STAU1: variants seen among roughly 807,000 people sequenced by gnomAD.
The protein encoded by STAU1 is double-stranded RNA-binding protein Staufen homolog 1.
A neutral mutation model predicts 62.9 loss-of-function variants in STAU1; 13 were observed. That is an observed-to-expected ratio of 0.21 (90% CI 0.13 to 0.33). The LOEUF (loss-of-function observed/expected upper bound fraction) is 0.33. Ranked by LOEUF, STAU1 falls within the 10% of genes least tolerant of loss-of-function variation. The pLI, the probability that STAU1 is intolerant of heterozygous loss-of-function variation, is 1.00. For synonymous variants in STAU1, 269 were observed against 265.1 expected (o/e 1.01, Z -0.14); for missense variants, 571 against 712.1 (o/e 0.80, Z 2.25).
At chr20:49,173,012 T>C (rs1478092830) in intron 2 of STAU1, among the ~76,000 whole-genome samples, 5 of 151,336 alleles carry the variant, frequency 3.3e-5, no homozygotes, top group Admixed American at 6.6e-5. Flanking sequence ...CTGGCTAATG[T>C]TTTTTGTATT....
chr20:49,131,551 A>AG (rs1332670214), intron 6 of STAU1, among the ~76,000 whole-genome samples: 2 of 152,174 alleles, frequency 1.3e-5, no homozygotes, highest in Admixed American at 6.5e-5. Flanking sequence ...TTATGGAAAA[A>AG]GAAAAAGCAG....
chr20:49,154,530 T>C (rs2093324141), intron 3 of STAU1, among the ~76,000 whole-genome samples: 1 of 152,224 alleles, frequency 6.6e-6, no homozygotes, highest in Non-Finnish European at 1.5e-5. Context: ...ATGCATTTAT[T>C]ACATTACTAA....
chr20:49,199,480 C>T, the STAU1 span, among the ~76,000 whole-genome samples: 20 of 151,918 alleles, frequency 1.3e-4, 1 homozygote, highest in South Asian at 8.3e-4. Context: ...CCGCCCACCT[C>T]GGCCTCCCAA....
chr20:49,195,215 T>A, the STAU1 span, among the ~76,000 whole-genome samples: 7 of 152,128 alleles, frequency 4.6e-5, no homozygotes, highest in Non-Finnish European at 8.8e-5. Flanking sequence ...AATAGCAGAA[T>A]GATTAACAAC....
chr20:49,189,200 T>C (rs2093824260), upstream of STAU1, among the ~76,000 whole-genome samples: 1 of 27,470 alleles, frequency 3.6e-5, no homozygotes, highest in Non-Finnish European at 6.0e-5. Context: ...GACACTGGTC[T>C]CAAAAAAAAA....
intron 5 of STAU1, among the ~76,000 whole-genome samples, chr20:49,138,948 G>C (rs575034195): frequency 2.0e-5 from 3 of 152,106 alleles, no homozygotes; most frequent in African/African-American, 7.2e-5. Flanking sequence ...TGGTGCAAAA[G>C]TAATTACCAA....
intron 1 of STAU1, among the ~76,000 whole-genome samples, chr20:49,180,795 C>T (rs2093715477): frequency 6.6e-6 from 1 of 152,166 alleles, no homozygotes; most frequent in Non-Finnish European, 1.5e-5. Flanking sequence ...TTCAAGGGTC[C>T]ATCTAAAAGA....
At chr20:49,142,284 C>T (rs965215235) in intron 5 of STAU1, among the ~76,000 whole-genome samples, 8 of 151,948 alleles carry the variant, frequency 5.3e-5, no homozygotes, top group East Asian at 1.9e-4. Context: ...GATGGGGTTT[C>T]GTCATGCTGG....
At chr20:49,204,842 G>C in the STAU1 span, among the ~76,000 whole-genome samples, 2 of 150,870 alleles carry the variant, frequency 1.3e-5, no homozygotes, top group Non-Finnish European at 3.0e-5. Context: ...TAGAGACAGG[G>C]TTTTGCCATT....
chr20:49,158,354 T>C, intron 3 of STAU1: 1 of 962,252 alleles, frequency 1.0e-6, no homozygotes, highest in Non-Finnish European at 1.5e-6. Context: ...TTATCTCACT[T>C]ACAAATAATT....
intron 5 of STAU1, among the ~76,000 whole-genome samples, chr20:49,140,086 T>C (rs2092973878): frequency 6.6e-6 from 1 of 151,484 alleles, no homozygotes; most frequent in Non-Finnish European, 1.5e-5. Context: ...CTCGGGAGGC[T>C]GAGGCAGGAG....
In STAU1 at chr20:49,139,583, G is replaced by A. The variant is rs182112602; in HGVS notation, c.511-3652C>T. 2.4e-3 allele frequency among the ~76,000 whole-genome samples: 369 copies of A among 151,332 alleles called. 3 individuals are homozygous for A. Among genetic ancestry groups the A allele is most frequent in the African/African-American group, 8.4e-3 (346 of 41,230 alleles). On this transcript the variant is annotated intron_variant, in intron 5 of 13. Coordinates refer to ENST00000371856, the MANE Select transcript of STAU1 (RefSeq NM_017453.4). ...CCACTAAAAATACAAAAAACTAGCC[G>A]GGTGTGGTAGCAGACGTCTGTAATC...
At chr20:49,150,396 C>T (rs902537718) in intron 5 of STAU1, among the ~76,000 whole-genome samples, 7 of 151,484 alleles carry the variant, frequency 4.6e-5, no homozygotes, top group Non-Finnish European at 8.8e-5. Context: ...GAGTCTCGCT[C>T]TGTCCCTGAG....
At chr20:49,218,187 T>A in the STAU1 span, among the ~76,000 whole-genome samples, 2 of 149,568 alleles carry the variant, frequency 1.3e-5, no homozygotes, top group African/African-American at 2.5e-5. Flanking sequence ...CAATATATAT[T>A]TTTTTAATTC....
Position 49,118,029 on chromosome 20 carries a change from G to A in STAU1, c.1257C>T (p.Pro419=), listed in dbSNP as rs1394244288. ...CAGCCTGGGCGACCTCGGGCACCAT[G>A]GGAAGAATTCCAGCAGGCAGCTGCT... ...SHQQLPAGIL[P]MVPEVAQAVG... The change falls in exon 11 of 14, where the codon CCC becomes CCT. Residue 419 remains proline (P), a synonymous_variant. Coordinates refer to ENST00000371856, the MANE Select transcript of STAU1 (RefSeq NM_017453.4). 1 of 1,614,046 alleles carries A rather than the reference G, an allele frequency of 6.2e-7. No individual in the cohort carries two copies. The highest frequency in any genetic ancestry group is 2.2e-5 in the East Asian group (1 of 44,902).
At chr20:49,130,548 C>T (rs770863772) in intron 6 of STAU1, among the ~76,000 whole-genome samples, 6 of 151,986 alleles carry the variant, frequency 3.9e-5, no homozygotes, top group Non-Finnish European at 8.8e-5. Flanking sequence ...ACAATTTGGA[C>T]ATCAAAATGG....
At chr20:49,158,374 A>C (rs2093396930) in intron 3 of STAU1, 2 of 1,111,196 alleles carry the variant, frequency 1.8e-6, no homozygotes, top group Non-Finnish European at 2.4e-6. Context: ...TTACAAGGGA[A>C]ACCTGGATTT....
At chr20:49,123,502 A>G (rs760396374) in intron 7 of STAU1, among the ~76,000 whole-genome samples, 3 of 152,242 alleles carry the variant, frequency 2.0e-5, no homozygotes, top group African/African-American at 7.2e-5. Flanking sequence ...GTTTTTTAAC[A>G]TATTTCAACA....
chr20:49,201,283 T>G, the STAU1 span, among the ~76,000 whole-genome samples: 2 of 151,910 alleles, frequency 1.3e-5, no homozygotes, highest in African/African-American at 4.8e-5. Context: ...GATACGAGGA[T>G]GGAATGAAAA....
Sources: gnomAD v4.1 joint callset for allele counts (sites outside exome capture counted in the v4.1 genomes callset) on GRCh38, gnomAD v4.1.1 for gene constraint, MANE v1.5 for transcripts, NCBI Gene and HGNC (gene_info 2026-07-23, HGNC 2026-07-21) for gene names.